VWCE: variants seen among roughly 807,000 people sequenced by gnomAD.
The protein encoded by VWCE is von Willebrand factor C and EGF domain-containing protein.
In VWCE, 68 loss-of-function variants were observed where a neutral mutation model predicts 102.9. That is an observed-to-expected ratio of 0.66 (90% CI 0.54 to 0.81). The LOEUF (loss-of-function observed/expected upper bound fraction) is 0.81. VWCE is among the 30% of genes least tolerant of loss of function. The pLI is 0.00. For missense variants in VWCE, 1,137 were observed against 1,263.6 expected (o/e 0.90, Z 1.52); for synonymous variants, 497 against 515.4 (o/e 0.96, Z 0.48).
Position 61,284,521 on chromosome 11 carries a change from G to A in VWCE, c.542-1616C>T, listed in dbSNP as rs113156114. Among the ~76,000 whole-genome samples the A allele has an allele frequency of 1.8e-3, 276 of 152,268 alleles. 3 individuals carry two copies. Among genetic ancestry groups the A allele is most frequent in the African/African-American group, 6.4e-3 (267 of 41,550 alleles). ...ACTAAACTCTGTCCCCTCAAAAATC[G>A]TGTTGAAGCCCTAACCGCCAATGTA... On this transcript the variant is annotated intron_variant, in intron 5 of 19. Transcript: ENST00000335613.
chr11:61,287,504 C>T (rs1327073419), intron 4 of VWCE, among the ~76,000 whole-genome samples: 1 of 151,774 alleles, frequency 6.6e-6, no homozygotes, highest in Admixed American at 6.5e-5. Context: ...CAACTGCGTG[C>T]AGCAGACCCA....
chr11:61,270,798 C>T (rs1854664918), intron 14 of VWCE, among the ~76,000 whole-genome samples: 1 of 151,916 alleles, frequency 6.6e-6, no homozygotes, highest in South Asian at 2.1e-4. Flanking sequence ...CAGCAGCTCC[C>T]TGCACATGCA....
At chr11:61,292,662 T>A (rs1244270104) in intron 1 of VWCE, among the ~76,000 whole-genome samples, 1 of 152,104 alleles carries the variant, frequency 6.6e-6, no homozygotes, top group Non-Finnish European at 1.5e-5. Context: ...ATCCAACTGG[T>A]GCTGGGTGCT....
intron 11 of VWCE, 59 bp downstream of exon 11, chr11:61,276,534 G>A: frequency 1.6e-6 from 2 of 1,284,152 alleles, no homozygotes; most frequent in Non-Finnish European, 1.0e-6. Flanking sequence ...AACATAGTGA[G>A]GTCTACAAAA....
intron 11 of VWCE, among the ~76,000 whole-genome samples, chr11:61,276,072 C>A (rs1039437430): frequency 6.6e-6 from 1 of 152,210 alleles, no homozygotes; most frequent in Non-Finnish European, 1.5e-5. Context: ...CACCCCACTC[C>A]ATCGCATACT....
At chr11:61,284,870 G>A (rs190682227) in intron 5 of VWCE, among the ~76,000 whole-genome samples, 152 of 152,100 alleles carry the variant, frequency 1.0e-3, no homozygotes, top group Non-Finnish European at 1.8e-3. Flanking sequence ...TTGAACCCAG[G>A]AGGCGGAGGT....
chr11:61,288,155 CAAAAAAAAAAA>C (rs397978316), intron 4 of VWCE, among the ~76,000 whole-genome samples: 1 of 37,288 alleles, frequency 2.7e-5, no homozygotes, highest in Non-Finnish European at 5.9e-5. Context: ...GACTCTGTCT[CAAAAAAAAAAA>C]AAAAAAAAAA....
intron 11 of VWCE, among the ~76,000 whole-genome samples, chr11:61,275,866 A>G (rs1854887269): frequency 6.6e-6 from 1 of 152,226 alleles, no homozygotes; most frequent in Admixed American, 6.5e-5. Context: ...GGACAGAGCA[A>G]TGACAAGGGT....
chr11:61,271,937 A>T (rs1854719709), intron 13 of VWCE, among the ~76,000 whole-genome samples, 177 bp from the exon 14 acceptor site: 1 of 152,152 alleles, frequency 6.6e-6, no homozygotes, highest in Non-Finnish European at 1.5e-5. Flanking sequence ...TCACACAGAT[A>T]CACATACACT....
chr11:61,274,210 A>G (rs1854832072), intron 12 of VWCE, among the ~76,000 whole-genome samples: 1 of 152,124 alleles, frequency 6.6e-6, no homozygotes, highest in Non-Finnish European at 1.5e-5. Flanking sequence ...GCACCCGGCC[A>G]TCAACCCACC....
At chr11:61,262,601 TA>T (rs1313940030) in intron 19 of VWCE, among the ~76,000 whole-genome samples, 4 of 152,170 alleles carry the variant, frequency 2.6e-5, no homozygotes, top group Non-Finnish European at 5.9e-5. Flanking sequence ...GTACAATCTA[TA>T]ATGTCCCCAA....
rs773320665 is a variant in VWCE, at chr11:61,259,275, G to A, written c.2268C>T (p.Ser756=). The change falls in exon 20 of 20, where the codon TCC becomes TCT. Residue 756 remains serine (S), a synonymous_variant. Transcript: ENST00000335613. The part of the protein sequence containing the change: ...LSPLEEKQGL[S]PHGNVAFSKA... ...TGCTGAATGCCACATTTCCGTGAGGGGAGAGCCCCTGCTTTTCTTCCAGAG... is the reference window on the plus strand; with the variant it reads ...TGCTGAATGCCACATTTCCGTGAGGAGAGAGCCCCTGCTTTTCTTCCAGAG... 3.4e-5 allele frequency: 55 copies of A among 1,600,442 alleles called. No individual in the cohort carries two copies. Among genetic ancestry groups the A allele is most frequent in the Non-Finnish European group, 4.4e-5 (52 of 1,172,038 alleles).
intron 5 of VWCE, 139 bp downstream of exon 5, chr11:61,286,175 C>T (rs1855313462): frequency 4.8e-6 from 4 of 835,356 alleles, no homozygotes; most frequent in Non-Finnish European, 7.9e-6. Context: ...ACCATAATAG[C>T]ATCTCCCTCC....
intron 5 of VWCE, among the ~76,000 whole-genome samples, chr11:61,283,991 T>C (rs1312788416): frequency 1.3e-5 from 2 of 152,190 alleles, no homozygotes; most frequent in African/African-American, 4.8e-5. Flanking sequence ...GGCAAGTCTA[T>C]TTACCCTGAT....
intron 16 of VWCE, 93 bp downstream of exon 16, chr11:61,267,369 G>C: frequency 7.9e-7 from 1 of 1,259,688 alleles, no homozygotes. Flanking sequence ...CCCTTGTCTT[G>C]GAGGTCTCTG....
Position 61,273,264 on chromosome 11 carries a change from C to T in VWCE, c.1634G>A (p.Arg545Gln), listed in dbSNP as rs765791707. The T allele has an allele frequency of 3.1e-6, 5 of 1,613,856 alleles. No homozygotes were observed. The highest frequency in any genetic ancestry group is 2.2e-5 in the South Asian group (2 of 91,024). The change falls in exon 13 of 20, where the codon CGA becomes CAA. Residue 545 changes from arginine to glutamine, a missense_variant. Transcript: ENST00000335613. ...FMPCPELACP[R>Q]EEWRLGPGQC... ...CCCAGGGCCCAGCCGCCACTCTTCT[C>T]GGGGGCAGGCCAGCTCAGGGCAGGG...
rs561924825 is a variant in VWCE, at chr11:61,284,951, C to CA, written c.541+1362dup. Among the ~76,000 whole-genome samples the CA allele has an allele frequency of 3.1e-3, 424 of 138,188 alleles. 2 individuals carry two copies. Among genetic ancestry groups the CA allele is most frequent in the African/African-American group, 3.8e-3 (142 of 37,512 alleles). 90.7% of individuals were successfully genotyped at this position (138,188 alleles called of 152,430 possible). On this transcript the variant is annotated intron_variant, in intron 5 of 19. Transcript: ENST00000335613. ...GAGTGTCCTCTGTCCTCCTCCATGTCAAAAAAAAAAAAGAAGAAGAAGAGA... is the reference window on the plus strand; with the variant it reads ...GAGTGTCCTCTGTCCTCCTCCATGTCAAAAAAAAAAAAAGAAGAAGAAGAGA...
chr11:61,264,539 C>T lies in VWCE; in HGVS notation c.2178G>A (p.Arg726=). 1 of 1,612,966 alleles carries T rather than the reference C, an allele frequency of 6.2e-7. No individual in the cohort carries two copies. The highest frequency in any genetic ancestry group is 8.5e-7 in the Non-Finnish European group (1 of 1,179,622). ...EVSCEKVPCQ[R]ACADPALLPG... is the part of the protein sequence containing the mutation. ...GAAGCAGGGCAGGGTCGGCACAGGC[C>T]CGCTGGCAGGGAACCTTCTCACAGC... Residue 726 remains arginine, a synonymous_variant, in exon 19 of 20, where the codon CGG becomes CGA. Coordinates refer to ENST00000335613, the MANE Select transcript of VWCE (RefSeq NM_152718.2).
intron 4 of VWCE, among the ~76,000 whole-genome samples, chr11:61,289,853 C>A (rs922192839): frequency 1.3e-5 from 2 of 152,128 alleles, no homozygotes; most frequent in Admixed American, 6.6e-5. Flanking sequence ...CTATCTCTTG[C>A]TTTTCTATTC....
Sources: gnomAD v4.1 joint callset for allele counts (sites outside exome capture counted in the v4.1 genomes callset) on GRCh38, gnomAD v4.1.1 for gene constraint, MANE v1.5 for transcripts, NCBI Gene and HGNC (gene_info 2026-07-23, HGNC 2026-07-21) for gene names.